Variants in MALRD1 observed in about 807,000 individuals in gnomAD.
MALRD1 encodes MAM and LDL receptor class A domain containing 1.
Under a neutral mutation model 242.1 loss-of-function variants are expected in MALRD1, and 247 were observed. The observed-to-expected ratio is 1.02, with a 90% CI of 0.92 to 1.13. The LOEUF (loss-of-function observed/expected upper bound fraction) is 1.13. MALRD1 is among the 50% of genes most tolerant of loss of function. The pLI is 0.00. For synonymous variants in MALRD1, 995 were observed against 866.6 expected (o/e 1.15, Z -2.60); for missense variants, 2,989 against 2,533.1 (o/e 1.18, Z -3.86).
chr10:19,478,675 C>A (rs1488513579), intron 29 of MALRD1, among the ~76,000 whole-genome samples: 1 of 152,098 alleles, frequency 6.6e-6, no homozygotes, highest in African/African-American at 2.4e-5. Flanking sequence ...TGCTTTGACC[C>A]AATTCTGGTT....
chr10:19,376,942 A>G (rs571222174), intron 26 of MALRD1, among the ~76,000 whole-genome samples: 8 of 152,188 alleles, frequency 5.3e-5, no homozygotes, highest in Non-Finnish European at 7.3e-5. Context: ...GAAAAACTAT[A>G]CAGGAATAGC....
At chr10:19,413,052 A>T (rs1178015117) in intron 28 of MALRD1, among the ~76,000 whole-genome samples, 4 of 152,324 alleles carry the variant, frequency 2.6e-5, no homozygotes, top group African/African-American at 9.6e-5. Context: ...AAAAAAAATA[A>T]TAGTTAACAT....
chr10:19,713,170 AT>A (rs67945633), intron 38 of MALRD1, among the ~76,000 whole-genome samples: 91,489 of 151,906 alleles, frequency 0.6, 28,333 homozygotes, highest in African/African-American at 0.75. Context: ...AAAGCCACAC[AT>A]TAAAAAAAGA....
At chr10:19,382,641 G>C (rs1845887937) in intron 26 of MALRD1, among the ~76,000 whole-genome samples, 1 of 152,016 alleles carries the variant, frequency 6.6e-6, no homozygotes, top group African/African-American at 2.4e-5. Flanking sequence ...TAAAGGTCTT[G>C]ATCCGGGCTT....
At chr10:19,278,195 T>TA (rs144427605) in intron 19 of MALRD1, among the ~76,000 whole-genome samples, 6,760 of 151,894 alleles carry the variant, frequency 0.045, 182 homozygotes, top group Middle Eastern at 0.075. Flanking sequence ...GTATTTAAAA[T>TA]AAAAAAAACA....
rs143581003 is a variant in MALRD1 at position 19,707,285 on chromosome 10, T to A, written c.6314+14731T>A. Among the ~76,000 whole-genome samples the A allele has an allele frequency of 4.7e-3, 710 of 152,226 alleles. 6 individuals carry two copies. Among genetic ancestry groups the A allele is most frequent in the Admixed American group, 8.7e-3 (133 of 15,298 alleles). The stretch of plus-strand genomic sequence containing the variant: ...TAAGGTGGTAACAGGCCTTATATTT[T>A]TAGCCCAGCCCAATGCACATCACTT... On this transcript the variant is annotated intron_variant, in intron 38 of 39. Transcript: ENST00000454679.
chr10:19,560,433 A>C (rs536252519), intron 32 of MALRD1, among the ~76,000 whole-genome samples: 1 of 152,256 alleles, frequency 6.6e-6, no homozygotes, highest in Non-Finnish European at 1.5e-5. Flanking sequence ...GCACCACTGC[A>C]CTCTCCAGCC....
chr10:19,595,101 T>G (rs1381979714), intron 33 of MALRD1, 93 bp from the exon 34 acceptor site: 2 of 1,261,090 alleles, frequency 1.6e-6, no homozygotes, highest in Admixed American at 2.9e-5. Context: ...AAAATTCATT[T>G]TATACAATAA....
intron 11 of MALRD1, among the ~76,000 whole-genome samples, chr10:19,149,179 G>A (rs1833846153): frequency 6.6e-6 from 1 of 151,864 alleles, no homozygotes; most frequent in Non-Finnish European, 1.5e-5. Context: ...GCAGTGGTGT[G>A]ATCCATGCTC....
intron 24 of MALRD1, among the ~76,000 whole-genome samples, chr10:19,343,299 T>C (rs934287736): frequency 6.6e-6 from 1 of 152,128 alleles, no homozygotes; most frequent in Non-Finnish European, 1.5e-5. Flanking sequence ...AAAAATACTA[T>C]GTACCCTTCA....
rs548223547 is a variant in MALRD1 at position 19,555,108 on chromosome 10, C to T, written c.5479-12394C>T. On this transcript the variant is annotated intron_variant, in intron 32 of 39. Transcript: ENST00000454679. ...TTCTGACTGGCATGAGATGATATCT[C>T]ATTGTGTTTTTGATTTGAATTTCTT... Among the ~76,000 whole-genome samples the T allele has an allele frequency of 5.9e-5, 9 of 151,580 alleles. No individual in the cohort carries two copies. In the East Asian group the frequency reaches 1.7e-3, roughly 29 times the overall value.
chr10:19,253,246 G>T (rs530757694), intron 18 of MALRD1, among the ~76,000 whole-genome samples: 4 of 152,040 alleles, frequency 2.6e-5, no homozygotes, highest in South Asian at 4.1e-4. Context: ...ATTGTTCATA[G>T]CTGAATTGAA....
chr10:19,325,419 T>C (rs1453701931), intron 22 of MALRD1, among the ~76,000 whole-genome samples: 1 of 151,962 alleles, frequency 6.6e-6, no homozygotes, highest in Admixed American at 6.6e-5. Flanking sequence ...CTGTATTTTT[T>C]TTTTTTTTCT....
chr10:19,368,314 A>G (rs893869326), intron 26 of MALRD1, among the ~76,000 whole-genome samples: 3 of 151,934 alleles, frequency 2.0e-5, no homozygotes, highest in African/African-American at 7.2e-5. Context: ...GCGGGGGCCT[A>G]GTTTCCTTCT....
Position 19,387,773 on chromosome 10 carries a change from G to A in MALRD1, c.4687G>A (p.Gly1563Arg). The A allele has an allele frequency of 1.9e-6, 3 of 1,546,340 alleles. No individual in the cohort carries two copies. The highest frequency in any genetic ancestry group is 2.6e-6 in the Non-Finnish European group (3 of 1,145,470). The change falls in exon 27 of 40, where the codon GGG (glycine) becomes AGG (arginine). Residue 1563 changes from glycine to arginine, a missense_variant and splice_region_variant. Transcript: ENST00000454679. ...AGACCACACACTTGGAAATGAAAATGGTAGGTTATTAGATTGTTGTAATTG... is the reference window on the plus strand; with the variant it reads ...AGACCACACACTTGGAAATGAAAATAGTAGGTTATTAGATTGTTGTAATTG... ...PKDHTLGNEN[G>R]HFMYLEATAV...
chr10:19,080,585 A>G (rs182712927), intron 2 of MALRD1, among the ~76,000 whole-genome samples: 10 of 152,120 alleles, frequency 6.6e-5, no homozygotes, highest in African/African-American at 2.4e-4. Context: ...TTGAAACTGG[A>G]CCCCTTCCTT....
chr10:19,260,386 A>G (rs1190307997), intron 19 of MALRD1, among the ~76,000 whole-genome samples: 2 of 152,156 alleles, frequency 1.3e-5, no homozygotes, highest in Non-Finnish European at 2.9e-5. Context: ...CTCTGAGACC[A>G]TGGCTAAAAG....
intron 28 of MALRD1, among the ~76,000 whole-genome samples, chr10:19,423,126 G>A (rs1300006425): frequency 6.6e-6 from 1 of 152,148 alleles, no homozygotes. Context: ...GTTTTGGGAA[G>A]CCTAGCAATG....
At chr10:19,541,214 T>C (rs892756272) in intron 32 of MALRD1, among the ~76,000 whole-genome samples, 2 of 152,228 alleles carry the variant, frequency 1.3e-5, no homozygotes, top group Admixed American at 6.5e-5. Context: ...TATGCTGAAC[T>C]TCATGGCCAT....
Sources: gnomAD v4.1 joint callset for allele counts (sites outside exome capture counted in the v4.1 genomes callset) on GRCh38, gnomAD v4.1.1 for gene constraint, MANE v1.5 for transcripts, NCBI Gene and HGNC (gene_info 2026-07-23, HGNC 2026-07-21) for gene names.